Variants in CRACD observed in about 807,000 individuals in gnomAD.
The protein encoded by CRACD is capping protein-inhibiting regulator of actin dynamics.
In CRACD, 56 loss-of-function variants were observed where a neutral mutation model predicts 106.8. The ratio of observed to expected loss-of-function variants is 0.52; its 90% CI spans 0.42 to 0.66. CRACD has a LOEUF of 0.66. Ranked by LOEUF, CRACD falls within the 30% of genes least tolerant of loss-of-function variation. CRACD has a pLI of 0.00. For missense variants in CRACD, 1,730 were observed against 1,623.2 expected (o/e 1.07, Z -1.13); for synonymous variants, 754 against 670.8 (o/e 1.12, Z -1.92).
At chr4:56,256,421 G>C (rs1741363771) in intron 2 of CRACD, among the ~76,000 whole-genome samples, 1 of 152,224 alleles carries the variant, frequency 6.6e-6, no homozygotes. Flanking sequence ...GCCCAGTCTT[G>C]TGTATGTCTT....
At chr4:56,076,325 T>G (rs187570265) in intron 1 of CRACD, among the ~76,000 whole-genome samples, 1 of 152,274 alleles carries the variant, frequency 6.6e-6, no homozygotes, top group Admixed American at 6.5e-5. Context: ...TGTGGCACTT[T>G]GTTATGGCAG....
intron 1 of CRACD, among the ~76,000 whole-genome samples, chr4:56,120,239 C>G (rs1289805395): frequency 6.6e-6 from 1 of 152,106 alleles, no homozygotes; most frequent in Admixed American, 6.6e-5. Flanking sequence ...TTATATATCT[C>G]TGTGATGTCA....
Position 56,265,345 on chromosome 4 carries a change from A to G in CRACD, c.-188-6976A>G, listed in dbSNP as rs953660715. Reference sequence around the variant, plus strand: ...AACATTATTTAACCAAAGTAGCCCAAAATGCTTGTCAACTCACTCATCTTT... The same window carrying G: ...AACATTATTTAACCAAAGTAGCCCAGAATGCTTGTCAACTCACTCATCTTT... On this transcript the variant is annotated intron_variant, in intron 2 of 10. Coordinates refer to ENST00000682029, the MANE Select transcript of CRACD (RefSeq NM_001393381.1). 3.9e-5 allele frequency among the ~76,000 whole-genome samples: 6 copies of G among 152,168 alleles called. No individual in the cohort carries two copies. The South Asian group carries it at 8.3e-4, about 21-fold the overall frequency.
intron 2 of CRACD, among the ~76,000 whole-genome samples, chr4:56,188,566 G>T (rs544477188): frequency 6.6e-6 from 1 of 151,554 alleles, no homozygotes; most frequent in East Asian, 2.0e-4. Flanking sequence ...TCCTGGAAAT[G>T]AGTGTTTTAT....
rs1736686818 is a variant in CRACD at position 56,178,653 on chromosome 4, G to A, written c.-335-631G>A. ...CCTTGTCCATCCTGAGATTTGGAGT[G>A]ACTTCATCTTGTATTGTTGCCCCAG... On this transcript the variant is annotated intron_variant, in intron 1 of 10. Coordinates refer to ENST00000682029, the MANE Select transcript of CRACD (RefSeq NM_001393381.1). Among the ~76,000 whole-genome samples the A allele has an allele frequency of 2.6e-5, 4 of 152,208 alleles. No homozygotes were observed. The South Asian group carries it at 8.3e-4, about 32-fold the overall frequency.
At chr4:56,203,639 A>T (rs1394327756) in intron 2 of CRACD, among the ~76,000 whole-genome samples, 2 of 152,198 alleles carry the variant, frequency 1.3e-5, no homozygotes, top group Non-Finnish European at 2.9e-5. Flanking sequence ...CCTCACCTCC[A>T]GGAAAGGCTA....
chr4:56,127,133 C>G (rs1191835621), intron 1 of CRACD, among the ~76,000 whole-genome samples: 1 of 152,146 alleles, frequency 6.6e-6, no homozygotes, highest in Non-Finnish European at 1.5e-5. Flanking sequence ...CTCTCTTGCC[C>G]TTCTGCCTCC....
At chr4:56,253,101 A>G (rs1448585236) in intron 2 of CRACD, among the ~76,000 whole-genome samples, 1 of 152,128 alleles carries the variant, frequency 6.6e-6, no homozygotes, top group African/African-American at 2.4e-5. Context: ...GTTCTTCCCT[A>G]GGAGTAGAGA....
chr4:56,205,105 A>G (rs1022718249), intron 2 of CRACD, among the ~76,000 whole-genome samples: 1 of 152,196 alleles, frequency 6.6e-6, no homozygotes. Flanking sequence ...GCAATGAGCT[A>G]TGATCACACC....
At chr4:56,072,127 C>CAAAAA (rs531354263) in intron 1 of CRACD, among the ~76,000 whole-genome samples, 1 of 91,482 alleles carries the variant, frequency 1.1e-5, no homozygotes, top group African/African-American at 3.9e-5. Flanking sequence ...GACTCCGTCT[C>CAAAAA]AAAAAAAAAA....
At chr4:56,124,851 A>G (rs1412807660) in intron 1 of CRACD, among the ~76,000 whole-genome samples, 1 of 152,182 alleles carries the variant, frequency 6.6e-6, no homozygotes, top group Non-Finnish European at 1.5e-5. Flanking sequence ...TGTGGGCTCT[A>G]ATATCCCTAA....
chr4:56,277,284 AAGTAACATGACCAAATGGGATT>A (rs1247284587), intron 3 of CRACD, among the ~76,000 whole-genome samples: 3 of 152,222 alleles, frequency 2.0e-5, no homozygotes, highest in African/African-American at 7.2e-5. Context: ...AAGAAGGCTT[AAGTAACATGACCAAATGGGATT>A]TATCCCAGGA....
intron 2 of CRACD, among the ~76,000 whole-genome samples, chr4:56,225,739 G>C (rs1400787828): frequency 2.0e-5 from 3 of 152,198 alleles, no homozygotes; most frequent in African/African-American, 7.2e-5. Flanking sequence ...AGACAGGAAT[G>C]ACCAGTTAGT....
At chr4:56,095,073 T>G (rs896358679) in intron 1 of CRACD, among the ~76,000 whole-genome samples, 1 of 152,158 alleles carries the variant, frequency 6.6e-6, no homozygotes, top group African/African-American at 2.4e-5. Flanking sequence ...AAAAAATACT[T>G]TAGGCTGGGT....
At chr4:56,295,987 T>C (rs1305035547) in intron 3 of CRACD, among the ~76,000 whole-genome samples, 1 of 152,104 alleles carries the variant, frequency 6.6e-6, no homozygotes, top group African/African-American at 2.4e-5. Context: ...TAAAGGGAAT[T>C]GCTGCTATAT....
intron 2 of CRACD, among the ~76,000 whole-genome samples, chr4:56,196,007 C>T (rs972285259): frequency 1.3e-5 from 2 of 152,108 alleles, no homozygotes; most frequent in Non-Finnish European, 2.9e-5. Flanking sequence ...AAAAGGAAAG[C>T]GTCCCTGAAA....
intron 2 of CRACD, among the ~76,000 whole-genome samples, chr4:56,269,155 G>A (rs901926424): frequency 7.9e-5 from 12 of 152,064 alleles, no homozygotes; most frequent in African/African-American, 2.9e-4. Context: ...GGCTGAAGTG[G>A]GCAGATTAAT....
At chr4:56,167,497 C>A (rs1736197358) in intron 1 of CRACD, among the ~76,000 whole-genome samples, 1 of 152,096 alleles carries the variant, frequency 6.6e-6, no homozygotes, top group Admixed American at 6.6e-5. Flanking sequence ...AACTTTGTAC[C>A]CTTTGACCAG....
chr4:56,237,348 G>A (rs1040778700), intron 2 of CRACD, among the ~76,000 whole-genome samples: 3 of 151,990 alleles, frequency 2.0e-5, no homozygotes, highest in Non-Finnish European at 4.4e-5. Context: ...AGAGACCCAG[G>A]CATGAGCCAT....
Sources: allele counts gnomAD v4.1 joint callset (sites outside exome capture counted in the v4.1 genomes callset), GRCh38; gene constraint gnomAD v4.1.1; transcripts MANE v1.5; gene names NCBI Gene and HGNC (gene_info 2026-07-23, HGNC 2026-07-21).